The following EPS15 variants were observed in gnomAD, a reference collection of about 807,000 sequenced individuals.
EPS15 encodes epidermal growth factor receptor pathway substrate 15, also known as epidermal growth factor receptor substrate 15.
A neutral mutation model predicts 113.8 loss-of-function variants in EPS15; 72 were observed. The observed-to-expected ratio is 0.63, with a 90% confidence interval of 0.52 to 0.77. The LOEUF is 0.77. EPS15 is among the 30% of genes least tolerant of loss of function. EPS15 has a pLI of 0.00. For missense variants in EPS15, 1,048 were observed against 1,045.8 expected, an observed-to-expected ratio of 1.00 and a Z score of -0.03; for synonymous variants, 344 against 363.4, an observed-to-expected ratio of 0.95 and a Z score of 0.61.
chr1:51,362,426 C>T (rs1646408207), intron 23 of EPS15, among the ~76,000 whole-genome samples: 1 of 152,096 alleles, frequency 6.6e-6, no homozygotes, highest in South Asian at 2.1e-4. Context: ...TATACAATTA[C>T]TTGGATGAAG....
intron 3 of EPS15, 46 bp from the exon 4 acceptor site, chr1:51,471,783 G>C: frequency 1.1e-5 from 14 of 1,329,450 alleles, no homozygotes; most frequent in South Asian, 2.4e-5. Context: ...TTAAACAAAA[G>C]TCATCTGAAT....
chr1:51,453,743 T>A (rs753744127), intron 8 of EPS15, among the ~76,000 whole-genome samples: 1 of 152,104 alleles, frequency 6.6e-6, no homozygotes, highest in Non-Finnish European at 1.5e-5. Context: ...AATCAGTTAC[T>A]AACAGCTGTC....
In EPS15 at chr1:51,355,725, A is replaced by T. The variant is rs567485353; in HGVS notation, c.*975T>A. 167 of 188,738 alleles carry T rather than the reference A, an allele frequency of 8.8e-4. No individual in the cohort carries two copies. The highest frequency in any genetic ancestry group is 3.8e-3 in the African/African-American group (162 of 42,766). 11.7% of individuals were successfully genotyped at this position (188,738 alleles called of 1,614,324 possible). A position where few individuals can be genotyped will look rare whatever the true frequency, so the allele number is the denominator to read the frequency against. On this transcript the variant is annotated 3_prime_UTR_variant, in exon 25 of 25. Transcript: ENST00000371733. ...AATGAGCCTTCATTAAAAAAAAAAA[A>T]ACAAATATATATGAAAAATTAAAGT... is the stretch of plus-strand genomic sequence containing the variant.
At chr1:51,451,115 G>A (rs528265803) in intron 8 of EPS15, among the ~76,000 whole-genome samples, 111 of 151,984 alleles carry the variant, frequency 7.3e-4, no homozygotes, top group South Asian at 7.0e-3. Context: ...AAAGTATAGT[G>A]TTGAACAGTG....
At chr1:51,516,404 C>G (rs565648788) in intron 1 of EPS15, among the ~76,000 whole-genome samples, 2 of 152,306 alleles carry the variant, frequency 1.3e-5, no homozygotes, top group Admixed American at 1.3e-4. Context: ...TTTGTTGAGT[C>G]TCTTTTAAAG....
At chr1:51,385,310 A>T (rs1557786389) in intron 21 of EPS15, among the ~76,000 whole-genome samples, 2 of 151,868 alleles carry the variant, frequency 1.3e-5, no homozygotes, top group Non-Finnish European at 2.9e-5. Flanking sequence ...ATAAGCATAT[A>T]AAAAAAGGCA....
intron 21 of EPS15, among the ~76,000 whole-genome samples, chr1:51,385,640 T>G (rs1570153664): frequency 1.3e-5 from 2 of 152,118 alleles, no homozygotes; most frequent in East Asian, 1.9e-4. Context: ...AAACAAAATG[T>G]GACGGCAACT....
At position 51,408,328 on chromosome 1, in the gene EPS15, G is replaced by A. The variant is rs753538416; in HGVS notation, c.1280C>T (p.Ser427Phe). 6.2e-7 allele frequency: 1 copy of A among 1,608,058 alleles called. No homozygotes were observed. Among genetic ancestry groups the A allele is most frequent in the Non-Finnish European group, 8.5e-7 (1 of 1,174,528 alleles). Residue 427 changes from serine to phenylalanine, a missense_variant, in exon 15 of 25, where the codon TCT (serine) becomes TTT (phenylalanine). Physicochemically the swap from Ser to Phe is radical, Grantham distance 155. Coordinates refer to ENST00000371733, the MANE Select transcript of EPS15 (RefSeq NM_001981.3). ...ACTAGTTAATTCAGCTTTCAGAGAA[G>A]AGATCTATAATGTGAAAGTGAATGA... ...KKCAEEAQLI[S>F]SLKAELTSQE...
At chr1:51,401,241 G>T in intron 18 of EPS15, 2 of 231,172 alleles carry the variant, frequency 8.7e-6, no homozygotes. Context: ...ATCATCACCA[G>T]TTCAGAAATA....
intron 2 of EPS15, among the ~76,000 whole-genome samples, chr1:51,475,979 T>A (rs1196649855): frequency 6.6e-6 from 1 of 152,208 alleles, no homozygotes; most frequent in African/African-American, 2.4e-5. Flanking sequence ...TTGTCAAAGA[T>A]CAGATGACTG....
At chr1:51,487,470 T>A (rs1339927130) in intron 1 of EPS15, among the ~76,000 whole-genome samples, 2 of 152,200 alleles carry the variant, frequency 1.3e-5, no homozygotes, top group Non-Finnish European at 2.9e-5. Context: ...GAATTTTAAA[T>A]ATTTGTAGTA....
At chr1:51,410,373 C>G (rs1304920984) in intron 13 of EPS15, among the ~76,000 whole-genome samples, 1 of 143,718 alleles carries the variant, frequency 7.0e-6, no homozygotes, top group African/African-American at 2.6e-5. Context: ...GACTGGGCAA[C>G]AGAGTGAGAC....
intron 1 of EPS15, among the ~76,000 whole-genome samples, chr1:51,489,877 C>G (rs996356479): frequency 6.6e-6 from 1 of 152,192 alleles, no homozygotes; most frequent in Non-Finnish European, 1.5e-5. Flanking sequence ...GCTCCTCCAG[C>G]CCGGATCCTC....
intron 24 of EPS15, among the ~76,000 whole-genome samples, chr1:51,357,445 GAT>G (rs71669549): frequency 0.2 from 17,914 of 88,084 alleles, 2,608 homozygotes; most frequent in African/African-American, 0.45. Context: ...TTTTAAATGT[GAT>G]ATATATATAT....
At chr1:51,445,068 T>C in intron 10 of EPS15, 23 bp from the exon 11 acceptor site, 1 of 1,607,278 alleles carries the variant, frequency 6.2e-7, no homozygotes, top group Non-Finnish European at 8.5e-7. Flanking sequence ...ACAAAATGAA[T>C]GGTATGTAAG....
chr1:51,400,712 CAAAAAAAAA>C (rs375748381), intron 19 of EPS15, among the ~76,000 whole-genome samples, 197 bp downstream of exon 19: 2 of 60,188 alleles, frequency 3.3e-5, no homozygotes, highest in Admixed American at 2.1e-4. Flanking sequence ...CAAAAAACAC[CAAAAAAAAA>C]AAAAAAAAAA....
intron 24 of EPS15, among the ~76,000 whole-genome samples, chr1:51,358,714 T>G (rs529733996): frequency 8.3e-4 from 124 of 149,444 alleles, no homozygotes; most frequent in African/African-American, 2.5e-3. Flanking sequence ...TTTTTGTTTT[T>G]TTTTTTTTTT....
At chr1:51,373,583 G>T (rs1209760586) in intron 21 of EPS15, among the ~76,000 whole-genome samples, 1 of 152,208 alleles carries the variant, frequency 6.6e-6, no homozygotes, top group African/African-American at 2.4e-5. Flanking sequence ...CGAATTTCAT[G>T]TGTTCTCTGC....
At chr1:51,372,858 T>G in intron 21 of EPS15, 1 of 711,634 alleles carries the variant, frequency 1.4e-6, no homozygotes, top group Non-Finnish European at 2.1e-6. Context: ...TTGAGGAGGC[T>G]GAACTCCAAG....
Sources: gnomAD v4.1 joint callset for allele counts (sites outside exome capture counted in the v4.1 genomes callset) on GRCh38, gnomAD v4.1.1 for gene constraint, MANE v1.5 for transcripts, NCBI Gene and HGNC (gene_info 2026-07-23, HGNC 2026-07-21) for gene names.